Variants in RBFOX1 observed in about 807,000 individuals in gnomAD.
RBFOX1 encodes the protein RNA binding fox-1 homolog 1.
Under a neutral mutation model 57.7 loss-of-function variants are expected in RBFOX1, and 8 were observed. The observed-to-expected ratio is 0.14, with a 90% confidence interval of 0.08 to 0.25. RBFOX1 has a LOEUF of 0.25. Among genes scored for constraint, RBFOX1 ranks in the 10% least tolerant of loss-of-function variants. The probability of loss-of-function intolerance (pLI) is 1.00; values close to 1 mark genes in which losing one functional copy is unlikely to be tolerated. For missense variants in RBFOX1, 611 were observed against 548.5 expected, an observed-to-expected ratio of 1.11 and a Z score of -1.14; for synonymous variants, 326 against 222.4, an observed-to-expected ratio of 1.47 and a Z score of -4.15.
chr16:6,193,512 G>C (rs1365632929), intron 1 of RBFOX1, among the ~76,000 whole-genome samples: 2 of 148,040 alleles, frequency 1.4e-5, no homozygotes, highest in African/African-American at 5.0e-5. Flanking sequence ...AAGTGACCTA[G>C]AGCAAGTCAC....
Position 6,471,062 on chromosome 16 carries a change from A to C in RBFOX1, c.-64+154005A>C, listed in dbSNP as rs142559796. 5.5e-3 allele frequency among the ~76,000 whole-genome samples: 840 copies of C among 152,172 alleles called. 29 individuals are homozygous for C. Among genetic ancestry groups the C allele is most frequent in the Admixed American group, 0.047 (722 of 15,278 alleles). ...TTTTCTTATAGAGGAATTAAATCTA[A>C]ATTTCTTGGCATGACACATGGGCCC... On this transcript the variant is annotated intron_variant, in intron 2 of 15. Transcript: ENST00000550418.
At position 5,467,711 on chromosome 16, in the gene RBFOX1, C is replaced by A. The variant is rs144594552; in HGVS notation, c.258+457C>A. ...CTTAGGGCAATGCATTTTTTAAAAT[C>A]GATTTCAACTCTACGTTATTATTGT... On this transcript the variant is annotated intron_variant, in intron 2 of 2. Transcript: ENST00000585867. Among the ~76,000 whole-genome samples the A allele has an allele frequency of 2.4e-3, 364 of 152,192 alleles. 4 individuals are homozygous for A. Among genetic ancestry groups the A allele is most frequent in the African/African-American group, 8.2e-3 (339 of 41,518 alleles).
intron 3 of RBFOX1, among the ~76,000 whole-genome samples, chr16:6,660,779 T>C (rs1281661183): frequency 5.9e-5 from 9 of 152,126 alleles, no homozygotes; most frequent in African/African-American, 2.2e-4. Context: ...TTTTTGCTGG[T>C]ATCCACACCT....
Position 6,019,805 on chromosome 16 carries a change from C to G in RBFOX1, c.-314C>G, listed in dbSNP as rs1211604061. On this transcript the variant is annotated 5_prime_UTR_variant, in exon 1 of 16. Transcript: ENST00000550418. This position sits in a 1 kb window ranked among gnomAD's most constrained non-coding sequence, Gnocchi z 4.2. The stretch of plus-strand genomic sequence containing the variant: ...TCCCCGCCTGTCCGGACCCTCGCCG[C>G]GCCCAGGCAGGCGCGCCAGGGCGGG... 29 of 1,493,246 alleles carry G rather than the reference C, an allele frequency of 1.9e-5. No individual in the cohort carries two copies. Among genetic ancestry groups the G allele is most frequent in the Non-Finnish European group, 2.5e-5 (28 of 1,121,178 alleles). 92.5% of individuals were successfully genotyped at this position (1,493,246 alleles called of 1,614,324 possible).
intron 1 of RBFOX1, among the ~76,000 whole-genome samples, chr16:6,084,190 A>C (rs1172225470): frequency 6.6e-6 from 1 of 152,120 alleles, no homozygotes; most frequent in African/African-American, 2.4e-5. Context: ...GTTTTTGCAC[A>C]GTGCCCAGAA....
At chr16:6,814,035 T>TCACA (rs1555495879) in intron 3 of RBFOX1, among the ~76,000 whole-genome samples, 2 of 151,546 alleles carry the variant, frequency 1.3e-5, no homozygotes, top group African/African-American at 4.8e-5. Flanking sequence ...GAAATTAGAT[T>TCACA]CAAACATAAC....
At chr16:7,141,181 G>C (rs1423084799) in intron 4 of RBFOX1, among the ~76,000 whole-genome samples, 1 of 152,190 alleles carries the variant, frequency 6.6e-6, no homozygotes, top group Non-Finnish European at 1.5e-5. Flanking sequence ...GCAAGTAGGA[G>C]GATCCTGGGG....
At chr16:7,641,885 T>G (rs2062868065) in intron 11 of RBFOX1, among the ~76,000 whole-genome samples, 1 of 152,180 alleles carries the variant, frequency 6.6e-6, no homozygotes, top group Non-Finnish European at 1.5e-5. Context: ...CCAGGCTGCT[T>G]GAGGCGTTAC....
intron 3 of RBFOX1, among the ~76,000 whole-genome samples, chr16:6,886,453 C>G (rs2064049880): frequency 6.6e-6 from 1 of 151,886 alleles, no homozygotes; most frequent in Non-Finnish European, 1.5e-5. Flanking sequence ...ATTCCAATTT[C>G]CAAGATATGA....
At chr16:6,176,728 G>T (rs1231233998) in intron 1 of RBFOX1, among the ~76,000 whole-genome samples, 5 of 149,764 alleles carry the variant, frequency 3.3e-5, no homozygotes, top group East Asian at 2.0e-4. Context: ...CCAAGATATT[G>T]TATTGGTTAC....
chr16:6,195,401 G>A (rs1416482558), intron 1 of RBFOX1, among the ~76,000 whole-genome samples: 1 of 152,244 alleles, frequency 6.6e-6, no homozygotes, highest in East Asian at 1.9e-4. Flanking sequence ...AAAAATTTAT[G>A]GCCTTTAGTA....
chr16:7,518,434 C>T, intron 5 of RBFOX1, 45 bp downstream of exon 5: 1 of 1,561,308 alleles, frequency 6.4e-7, no homozygotes. Context: ...TGGGGAGGCG[C>T]CCCCAGCCCT....
At chr16:6,334,530 G>C (rs1251666413) in intron 2 of RBFOX1, among the ~76,000 whole-genome samples, 1 of 134,366 alleles carries the variant, frequency 7.4e-6, no homozygotes, top group African/African-American at 2.9e-5. Flanking sequence ...AAAAATCAAA[G>C]AAATATGCTA....
At chr16:6,550,442 A>G (rs943876832) in intron 2 of RBFOX1, among the ~76,000 whole-genome samples, 1 of 152,090 alleles carries the variant, frequency 6.6e-6, no homozygotes, top group Non-Finnish European at 1.5e-5. Context: ...CTGTTCACCT[A>G]GGCCTCCCAA....
chr16:6,275,438 A>T (rs2075699141), intron 1 of RBFOX1, among the ~76,000 whole-genome samples: 1 of 152,234 alleles, frequency 6.6e-6, no homozygotes, highest in African/African-American at 2.4e-5. Context: ...GAATGTTTTC[A>T]CACACCTGAT....
At position 7,377,299 on chromosome 16, in the gene RBFOX1, C is replaced by A. The variant is rs142070626; in HGVS notation, c.28-140848C>A. Among the ~76,000 whole-genome samples, 460 of 152,204 alleles carry A rather than the reference C, an allele frequency of 3.0e-3. 3 individuals carry two copies. In the Middle Eastern group the frequency reaches 0.034, roughly 11 times the overall value. On this transcript the variant is annotated intron_variant, in intron 4 of 15. Transcript: ENST00000550418. Reference sequence around the variant, plus strand: ...AGATGATACTGGGACACAGGTGGTCCGTATCACCCACGTGAGGTGGTGGCA... The same window carrying A: ...AGATGATACTGGGACACAGGTGGTCAGTATCACCCACGTGAGGTGGTGGCA...
chr16:7,486,387 C>T (rs1327997479), intron 4 of RBFOX1, among the ~76,000 whole-genome samples: 3 of 151,962 alleles, frequency 2.0e-5, no homozygotes, highest in Admixed American at 6.6e-5. Context: ...CCCTGTCCCC[C>T]GGCTTCCCAA....
chr16:7,582,418 C>A (rs188653306), intron 6 of RBFOX1, among the ~76,000 whole-genome samples: 6 of 152,310 alleles, frequency 3.9e-5, no homozygotes, highest in Non-Finnish European at 8.8e-5. Flanking sequence ...GACCCCCTTG[C>A]AATGACTTTC....
intron 2 of RBFOX1, among the ~76,000 whole-genome samples, chr16:6,460,946 C>G (rs1597573240): frequency 6.6e-6 from 1 of 152,140 alleles, no homozygotes; most frequent in South Asian, 2.1e-4. Context: ...GAGATCATGT[C>G]CTTTGCAAGG....
Sources: allele counts gnomAD v4.1 joint callset (sites outside exome capture counted in the v4.1 genomes callset), GRCh38; gene constraint gnomAD v4.1.1; non-coding constraint Gnocchi (gnomAD v3.1); transcripts MANE v1.5; gene names NCBI Gene and HGNC (gene_info 2026-07-23, HGNC 2026-07-21).